Variants in ALDH1L1 observed in about 807,000 individuals in gnomAD.
ALDH1L1 encodes the protein aldehyde dehydrogenase 1 family member L1, also known as cytosolic 10-formyltetrahydrofolate dehydrogenase.
ALDH1L1 carries 68 observed loss-of-function variants against 101.1 expected under a neutral mutation model. The ratio of observed to expected loss-of-function variants is 0.67; its 90% CI spans 0.55 to 0.82. The LOEUF is 0.82. Among genes scored for constraint, ALDH1L1 ranks in the 40% least tolerant of loss-of-function variants. ALDH1L1 has a pLI of 0.00. For missense variants in ALDH1L1, 1,087 were observed against 1,172.7 expected (o/e 0.93, Z 1.07); for synonymous variants, 486 against 470.8 (o/e 1.03, Z -0.42).
intron 1 of ALDH1L1, among the ~76,000 whole-genome samples, chr3:126,167,279 G>T (rs749440576): frequency 1.3e-5 from 2 of 152,054 alleles, no homozygotes; most frequent in Non-Finnish European, 1.5e-5. Flanking sequence ...GCTTAGTGCC[G>T]CATATTTTTC....
chr3:126,166,157 C>T (rs912108291), intron 1 of ALDH1L1, among the ~76,000 whole-genome samples: 6 of 152,186 alleles, frequency 3.9e-5, no homozygotes, highest in Admixed American at 2.6e-4. Context: ...CCGCACCCCT[C>T]GTCCTTCTCC....
chr3:126,111,183 G>A (rs1559915580), intron 19 of ALDH1L1, among the ~76,000 whole-genome samples: 1 of 152,248 alleles, frequency 6.6e-6, no homozygotes, highest in East Asian at 1.9e-4. Context: ...ATGAGCTTGT[G>A]CCTCCCATCA....
chr3:126,145,571 A>C (rs1334540884), intron 9 of ALDH1L1, among the ~76,000 whole-genome samples: 4 of 152,230 alleles, frequency 2.6e-5, no homozygotes, highest in Admixed American at 6.5e-5. Flanking sequence ...TAAGCGTAAA[A>C]AGCCAGTCAC....
rs113845761 is a variant in ALDH1L1 at position 126,105,770 on chromosome 3, G to A, written c.2609C>T (p.Ala870Val). 3 of 1,614,222 alleles carry A rather than the reference G, an allele frequency of 1.9e-6. No homozygotes were observed. The Admixed American group carries it at 5.0e-5, about 27-fold the overall frequency. Residue 870 changes from alanine (A) to valine (V), a missense_variant, in exon 22 of 23, where the codon GCT becomes GTT. Coordinates refer to ENST00000393434, the MANE Select transcript of ALDH1L1 (RefSeq NM_012190.4). ...VNTYNKTDVA[A>V]PFGGFKQSGF... is the part of the protein sequence containing the mutation. Reference sequence around the variant, plus strand: ...AGACTGTTTGAATCCTCCGAAGGGAGCGGCCACGTCGGTCTTGTTGTACGT... The same window carrying A: ...AGACTGTTTGAATCCTCCGAAGGGAACGGCCACGTCGGTCTTGTTGTACGT...
chr3:126,151,564 T>A (rs535477552), intron 7 of ALDH1L1: 1 of 152,294 alleles, frequency 6.6e-6, no homozygotes, highest in South Asian at 2.1e-4. Context: ...AATGCTTTTG[T>A]TAGGGGCCAG....
chr3:126,179,050 G>A (rs2081421054), intron 1 of ALDH1L1, among the ~76,000 whole-genome samples: 1 of 152,234 alleles, frequency 6.6e-6, no homozygotes, highest in African/African-American at 2.4e-5. Flanking sequence ...GGCAGGCACG[G>A]GAGCCTTGGG....
intron 1 of ALDH1L1, among the ~76,000 whole-genome samples, chr3:126,177,226 T>A (rs912843996): frequency 6.6e-6 from 1 of 152,212 alleles, no homozygotes; most frequent in African/African-American, 2.4e-5. Flanking sequence ...AGAAGAAAAC[T>A]AATGTCCACA....
At position 126,109,439 on chromosome 3, in the gene ALDH1L1, C is replaced by T. The variant is rs74652033; in HGVS notation, c.2347+505G>A. Among the ~76,000 whole-genome samples, 42 of 152,144 alleles carry T rather than the reference C, an allele frequency of 2.8e-4. No homozygotes were observed. In the East Asian group the frequency reaches 5.0e-3, roughly 18 times the overall value. On this transcript the variant is annotated intron_variant, in intron 20 of 22. Coordinates refer to ENST00000393434, the MANE Select transcript of ALDH1L1 (RefSeq NM_012190.4). ...GAAGTGTCCAGTGCCGCTGGCTGTG[C>T]GGTCAGGAGCTCTGGGTGGGGTGGA...
intron 3 of ALDH1L1, 86 bp downstream of exon 3, chr3:126,158,319 A>G: frequency 7.6e-7 from 1 of 1,315,774 alleles, no homozygotes. Flanking sequence ...AGCCCTAGAA[A>G]TGCTTTGGGC....
chr3:126,154,719 G>T, intron 5 of ALDH1L1, 76 bp from the exon 6 acceptor site: 1 of 1,382,598 alleles, frequency 7.2e-7, no homozygotes, highest in South Asian at 1.2e-5. Flanking sequence ...CTGGACAGTG[G>T]ACCAAGCTCT....
intron 18 of ALDH1L1, 34 bp from the exon 19 acceptor site, chr3:126,112,914 C>A (rs1461924025): frequency 6.3e-7 from 1 of 1,599,904 alleles, no homozygotes; most frequent in Non-Finnish European, 8.5e-7. Context: ...CAGGTCACTG[C>A]TCCTCCTGGG....
chr3:126,125,873 A>C, intron 14 of ALDH1L1, 152 bp from the exon 15 acceptor site: 1 of 515,370 alleles, frequency 1.9e-6, no homozygotes, highest in Non-Finnish European at 3.4e-6. Flanking sequence ...GAGGCAGCTC[A>C]CGCCTGCTGT....
chr3:126,146,649 C>A (rs191414314), intron 9 of ALDH1L1, among the ~76,000 whole-genome samples, 186 bp downstream of exon 9: 3 of 152,284 alleles, frequency 2.0e-5, no homozygotes, highest in Non-Finnish European at 4.4e-5. Flanking sequence ...TGCATAAAGA[C>A]CTGCAACCAT....
chr3:126,170,857 T>C (rs780424568), intron 1 of ALDH1L1, among the ~76,000 whole-genome samples: 1 of 152,168 alleles, frequency 6.6e-6, no homozygotes, highest in African/African-American at 2.4e-5. Flanking sequence ...ATAAGACAGC[T>C]GGGACACAAA....
chr3:126,154,514 C>T (rs1328508731), intron 6 of ALDH1L1, 40 bp downstream of exon 6: 3 of 1,586,588 alleles, frequency 1.9e-6, no homozygotes, highest in Non-Finnish European at 2.6e-6. Context: ...GTGGGATACA[C>T]CAATGCACGT....
Position 126,187,204 on chromosome 3 carries a change from A to G in ALDH1L1, c.-24+10531T>C, listed in dbSNP as rs1183597193. 5.3e-5 allele frequency among the ~76,000 whole-genome samples: 8 copies of G among 152,130 alleles called. No homozygotes were observed. In the East Asian group the frequency reaches 1.5e-3, roughly 29 times the overall value. On this transcript the variant is annotated intron_variant, in intron 1 of 2. Coordinates refer to the ALDH1L1 transcript ENST00000509952. ...GAGAAAGACTCAGCTGAGAAGGAAA[A>G]GTTGAATGTACAAGAAAGAAAGGGG...
rs1478975156 is a variant in ALDH1L1, at chr3:126,130,237, C to T, written c.1680G>A (p.Arg560=). 6.2e-7 allele frequency: 1 copy of T among 1,609,632 alleles called. No individual in the cohort carries two copies. Among genetic ancestry groups the T allele is most frequent in the Non-Finnish European group, 8.5e-7 (1 of 1,177,872 alleles). Residue 560 remains arginine (R), a synonymous_variant, in exon 14 of 23, where the codon AGG becomes AGA. Coordinates refer to ENST00000393434, the MANE Select transcript of ALDH1L1 (RefSeq NM_012190.4). ...CAGGAACTCACCCAACAGGCTCCTT[C>T]CTGGTCAAGGTCAGGTTGCGGTTGG... ...ARPNRNLTLT[R]KEPVGVCGII...
chr3:126,155,380 T>C (rs374152449), intron 5 of ALDH1L1, 22 bp downstream of exon 5: 11 of 1,603,138 alleles, frequency 6.9e-6, no homozygotes, highest in Non-Finnish European at 6.0e-6. Context: ...AGGATGAGGG[T>C]GTGGAGGGAC....
At chr3:126,136,020 T>C (rs1444336758) in intron 11 of ALDH1L1, among the ~76,000 whole-genome samples, 1 of 152,176 alleles carries the variant, frequency 6.6e-6, no homozygotes, top group East Asian at 1.9e-4. Flanking sequence ...GCCTCCTGTC[T>C]GCCGCCACAA....
Sources: allele counts gnomAD v4.1 joint callset (sites outside exome capture counted in the v4.1 genomes callset), GRCh38; gene constraint gnomAD v4.1.1; transcripts MANE v1.5; gene names NCBI Gene and HGNC (gene_info 2026-07-23, HGNC 2026-07-21).